RBM19: variants seen among roughly 807,000 people sequenced by gnomAD.
RBM19 encodes the protein probable RNA-binding protein 19.
In RBM19, 94 loss-of-function variants were observed where a neutral mutation model predicts 116.8. That is an observed-to-expected ratio of 0.80 (90% CI 0.68 to 0.95). The LOEUF (loss-of-function observed/expected upper bound fraction) is 0.95, where lower values mean the gene tolerates loss of function less well. RBM19 is among the 40% of genes least tolerant of loss of function. RBM19 has a pLI of 0.00. For missense variants in RBM19, 1,161 were observed against 1,220.7 expected, an observed-to-expected ratio of 0.95 and a Z score of 0.73; for synonymous variants, 475 against 494.1, an observed-to-expected ratio of 0.96 and a Z score of 0.51.
intron 22 of RBM19, among the ~76,000 whole-genome samples, chr12:113,848,695 G>A (rs138629432): frequency 6.6e-6 from 1 of 152,144 alleles, no homozygotes; most frequent in African/African-American, 2.4e-5. Context: ...TCCCTCCCTG[G>A]TGTCTACCTA....
chr12:113,941,138 C>T (rs1335338167), intron 14 of RBM19, among the ~76,000 whole-genome samples: 1 of 152,188 alleles, frequency 6.6e-6, no homozygotes, highest in Non-Finnish European at 1.5e-5. Flanking sequence ...CTGTGGGCCT[C>T]AATTTTTCTC....
chr12:113,938,449 T>A (rs955146372), intron 15 of RBM19, among the ~76,000 whole-genome samples: 1 of 111,582 alleles, frequency 9.0e-6, no homozygotes, highest in African/African-American at 4.6e-5. Context: ...AATACCTATC[T>A]CTAAGAATTG....
intron 21 of RBM19, among the ~76,000 whole-genome samples, chr12:113,883,343 A>T (rs1238034385): frequency 6.6e-6 from 1 of 152,252 alleles, no homozygotes; most frequent in Non-Finnish European, 1.5e-5. Flanking sequence ...TCTAGTGCAG[A>T]CAGAACCCTC....
intron 23 of RBM19, among the ~76,000 whole-genome samples, chr12:113,827,144 C>T (rs575748675): frequency 6.6e-6 from 1 of 152,314 alleles, no homozygotes; most frequent in South Asian, 2.1e-4. Context: ...AGTGGGTTTT[C>T]ACCAAACAAA....
intron 22 of RBM19, among the ~76,000 whole-genome samples, chr12:113,850,086 T>C (rs1307592104): frequency 6.6e-6 from 1 of 152,206 alleles, no homozygotes; most frequent in East Asian, 1.9e-4. Context: ...AGATGACAGT[T>C]CTGGGGGCTT....
intron 21 of RBM19, among the ~76,000 whole-genome samples, chr12:113,882,057 G>C (rs1388297004): frequency 1.3e-5 from 2 of 152,254 alleles, no homozygotes; most frequent in Non-Finnish European, 2.9e-5. Flanking sequence ...GCAAGTCACA[G>C]AGTCCTGGTG....
At chr12:113,941,331 A>T (rs1375508931) in intron 14 of RBM19, among the ~76,000 whole-genome samples, 1 of 152,220 alleles carries the variant, frequency 6.6e-6, no homozygotes, top group Non-Finnish European at 1.5e-5. Context: ...CTGGGGCCAG[A>T]AGGCCTGTGT....
rs533428839 is a variant in RBM19, at chr12:113,878,060, C to T, written c.2559-19164G>A. Among the ~76,000 whole-genome samples the T allele has an allele frequency of 1.1e-3, 168 of 152,292 alleles. 1 individual carries two copies. Among genetic ancestry groups the T allele is most frequent in the Non-Finnish European group, 2.2e-3 (148 of 68,028 alleles). ...CTCGTCTACGGCTGCTTTCAAGTTA[C>T]AGCAGAGCTGAAGATCTGAGACAGA... is the stretch of plus-strand genomic sequence containing the variant. On this transcript the variant is annotated intron_variant, in intron 21 of 23. Coordinates refer to ENST00000261741, the MANE Select transcript of RBM19 (RefSeq NM_016196.4).
intron 23 of RBM19, among the ~76,000 whole-genome samples, chr12:113,827,173 A>G (rs1223852147): frequency 1.3e-5 from 2 of 152,210 alleles, no homozygotes; most frequent in African/African-American, 2.4e-5. Flanking sequence ...AGAACCGGAG[A>G]AAGGTGTAAA....
At chr12:113,873,992 C>T (rs1232805717) in intron 21 of RBM19, among the ~76,000 whole-genome samples, 2 of 152,212 alleles carry the variant, frequency 1.3e-5, no homozygotes, top group Non-Finnish European at 2.9e-5. Flanking sequence ...ACCCAGTCAC[C>T]GCCCTGCTAA....
chr12:113,818,791 C>T (rs1249633489), downstream of RBM19, among the ~76,000 whole-genome samples: 4 of 152,162 alleles, frequency 2.6e-5, no homozygotes, highest in African/African-American at 4.8e-5. Context: ...CTCCTCCTCC[C>T]GTCCCCACTG....
intron 21 of RBM19, among the ~76,000 whole-genome samples, chr12:113,890,010 C>G (rs529252627): frequency 6.6e-6 from 1 of 152,224 alleles, no homozygotes; most frequent in Non-Finnish European, 1.5e-5. Context: ...TCCGGCTTTC[C>G]GGGCTGGAGC....
intron 21 of RBM19, among the ~76,000 whole-genome samples, chr12:113,883,057 A>G (rs1283077669): frequency 1.3e-5 from 2 of 152,130 alleles, no homozygotes; most frequent in East Asian, 3.8e-4. Context: ...AGAGAGAGAG[A>G]GGGAAGGAGA....
In RBM19 at chr12:113,835,127, A is replaced by G. The variant is rs551078823; in HGVS notation, c.2785+9541T>C. ...CCTGGCTAAGTGTGGGGCTTGGAGC[A>G]CATTAGCCAGCTTTTCTGAGCCCGG... On this transcript the variant is annotated intron_variant, in intron 23 of 23. Coordinates refer to ENST00000261741, the MANE Select transcript of RBM19 (RefSeq NM_016196.4). 2.6e-5 allele frequency among the ~76,000 whole-genome samples: 4 copies of G among 152,290 alleles called. No homozygotes were observed. The South Asian group carries it at 6.2e-4, about 24-fold the overall frequency.
intron 21 of RBM19, among the ~76,000 whole-genome samples, chr12:113,883,659 C>T (rs1880306528): frequency 6.6e-6 from 1 of 152,244 alleles, no homozygotes; most frequent in African/African-American, 2.4e-5. Context: ...CTGGCCAAGG[C>T]CATGAGACTG....
rs184582734 is a variant in RBM19, at chr12:113,830,341, C to T, written c.2786-7020G>A. 7.9e-5 allele frequency among the ~76,000 whole-genome samples: 12 copies of T among 152,198 alleles called. No homozygotes were observed. The East Asian group carries it at 1.7e-3, about 22-fold the overall frequency. On this transcript the variant is annotated intron_variant, in intron 23 of 23. Coordinates refer to ENST00000261741, the MANE Select transcript of RBM19 (RefSeq NM_016196.4). The stretch of plus-strand genomic sequence containing the variant: ...TGATGCAAATGGCCTGGGGTGAGCA[C>T]GGGATATGATGACTGCTATGATGAC...
chr12:113,949,830 T>A (rs1416290183), intron 9 of RBM19, among the ~76,000 whole-genome samples: 2 of 152,152 alleles, frequency 1.3e-5, no homozygotes, highest in Non-Finnish European at 2.9e-5. Flanking sequence ...TGCTGTGTGT[T>A]TCCCTGTAGC....
intron 21 of RBM19, among the ~76,000 whole-genome samples, chr12:113,880,561 C>T (rs1020911483): frequency 6.6e-6 from 1 of 152,158 alleles, no homozygotes; most frequent in Admixed American, 6.5e-5. Flanking sequence ...GTCACAGCTG[C>T]GAACGGCGAG....
At chr12:113,821,689 G>C (rs568753414), downstream of RBM19, among the ~76,000 whole-genome samples, 1 of 152,292 alleles carries the variant, frequency 6.6e-6, no homozygotes, top group Admixed American at 6.5e-5. Context: ...GGCTAAGGTG[G>C]GAGGACCACT....
Sources: allele counts gnomAD v4.1 joint callset (sites outside exome capture counted in the v4.1 genomes callset), GRCh38; gene constraint gnomAD v4.1.1; transcripts MANE v1.5; gene names NCBI Gene and HGNC (gene_info 2026-07-23, HGNC 2026-07-21).